The following ITGAD variants were observed in gnomAD, a reference collection of about 807,000 sequenced individuals.
The protein encoded by ITGAD is integrin alpha-D.
A neutral mutation model predicts 139.0 loss-of-function variants in ITGAD; 105 were observed. The observed-to-expected ratio is 0.76, with a 90% CI of 0.65 to 0.89. ITGAD has a LOEUF of 0.89. Ranked by LOEUF, ITGAD falls within the 40% of genes least tolerant of loss-of-function variation. The probability of loss-of-function intolerance (pLI) is 0.00; values close to 1 mark genes in which losing one functional copy is unlikely to be tolerated. For missense variants in ITGAD, 1,384 were observed against 1,487.3 expected, an observed-to-expected ratio of 0.93 and a Z score of 1.14; for synonymous variants, 569 against 598.3, an observed-to-expected ratio of 0.95 and a Z score of 0.71.
chr16:31,422,277 G>A (rs1181642574), intron 23 of ITGAD, among the ~76,000 whole-genome samples: 2 of 152,078 alleles, frequency 1.3e-5, no homozygotes, highest in African/African-American at 4.8e-5. Flanking sequence ...GATGTTAAGT[G>A]GTGAGAGGGC....
In ITGAD at chr16:31,407,611, A is replaced by C; in HGVS notation, c.801A>C (p.Glu267Asp). 1 of 1,614,166 alleles carries C rather than the reference A, an allele frequency of 6.2e-7. No individual in the cohort carries two copies. Among genetic ancestry groups the C allele is most frequent in the Non-Finnish European group, 8.5e-7 (1 of 1,180,002 alleles). ...TDGQKYKDPL[E>D]YSDVIPQAEK... is the part of the protein sequence containing the mutation. Reference sequence around the variant, plus strand: ...GGCAGAAGTACAAAGACCCCCTGGAATACAGTGATGTCATCCCCCAGGCAG... The same window carrying C: ...GGCAGAAGTACAAAGACCCCCTGGACTACAGTGATGTCATCCCCCAGGCAG... The change falls in exon 8 of 30, where the codon GAA becomes GAC. Residue 267 changes from glutamate to aspartate, a missense_variant. Physicochemically the swap from Glu to Asp is conservative, Grantham distance 45. Transcript: ENST00000389202.
intron 5 of ITGAD, among the ~76,000 whole-genome samples, chr16:31,399,775 C>G (rs1478384460): frequency 6.6e-6 from 1 of 152,174 alleles, no homozygotes; most frequent in African/African-American, 2.4e-5. Context: ...TAGAAGGGAC[C>G]AGGGTCCACT....
intron 18 of ITGAD, 151 bp downstream of exon 18, chr16:31,415,142 GT>G (rs969500873): frequency 1.2e-6 from 1 of 862,540 alleles, no homozygotes; most frequent in African/African-American, 1.7e-5. Context: ...AGGCCTGTGG[GT>G]TCTGTCTCCA....
In ITGAD at chr16:31,414,537, C is replaced by G; in HGVS notation, c.2083C>G (p.Pro695Ala). 1 of 1,614,202 alleles carries G rather than the reference C, an allele frequency of 6.2e-7. No individual in the cohort carries two copies. The highest frequency in any genetic ancestry group is 8.5e-7 in the Non-Finnish European group (1 of 1,180,038). ...TGCCATTTTCAATGAAACCAAGAAC[C>G]CCACTTTGACTCGAAGAAAAACCCT... ...SRAIFNETKN[P>A]TLTRRKTLGL... Residue 695 changes from proline to alanine, a missense_variant, in exon 17 of 30, where the codon CCC becomes GCC. Physicochemically the swap from Pro to Ala is conservative, Grantham distance 27 (BLOSUM62 -1). Transcript: ENST00000389202.
intron 9 of ITGAD, 86 bp from the exon 10 acceptor site, chr16:31,408,339 G>A (rs1035191559): frequency 1.7e-6 from 2 of 1,175,646 alleles, no homozygotes; most frequent in African/African-American, 1.5e-5. Context: ...TGGAACCCAA[G>A]CCTCAGATCA....
chr16:31,407,460 T>C (rs1235502093), intron 7 of ITGAD, 55 bp from the exon 8 acceptor site: 1 of 1,478,956 alleles, frequency 6.8e-7, no homozygotes, highest in South Asian at 1.4e-5. Context: ...GCAAATGATG[T>C]CTTTCCAGAA....
chr16:31,420,342 G>C (rs976751147), intron 23 of ITGAD, among the ~76,000 whole-genome samples: 2 of 152,130 alleles, frequency 1.3e-5, no homozygotes, highest in Admixed American at 6.6e-5. Flanking sequence ...GCAGAGCAAG[G>C]CATCCCATAC....
In ITGAD at chr16:31,412,904, G is replaced by A; in HGVS notation, c.1774G>A (p.Asp592Asn). ...TGGGCAGGCGCTGAGTGGGGGTCAG[G>A]ACCTCACCCAGGATGGACTGATGGA... ...YFGQALSGGQDLTQDGLMDLA... is the reference protein window; with the variant it reads ...YFGQALSGGQNLTQDGLMDLA... Residue 592 changes from aspartate (D) to asparagine (N), a missense_variant, in exon 15 of 30, where the codon GAC becomes AAC. Transcript: ENST00000389202. The A allele has an allele frequency of 6.2e-7, 1 of 1,614,008 alleles. No homozygotes were observed. The highest frequency in any genetic ancestry group is 8.5e-7 in the Non-Finnish European group (1 of 1,179,966).
Position 31,411,129 on chromosome 16 carries a change from C to A in ITGAD, c.1410C>A (p.Gly470=), listed in dbSNP as rs550139673. 1 of 1,613,360 alleles carries A rather than the reference C, an allele frequency of 6.2e-7. No individual in the cohort carries two copies. The highest frequency in any genetic ancestry group is 8.5e-7 in the Non-Finnish European group (1 of 1,179,798). Residue 470 remains glycine (G), a synonymous_variant, in exon 13 of 30, where the codon GGC becomes GGA. Coordinates refer to ENST00000389202, the MANE Select transcript of ITGAD (RefSeq NM_005353.3). ...SLCSVDVDSD[G]STDLILIGAP... is the part of the protein sequence containing the mutation. ...GCTCTGTGGATGTGGACAGCGATGG[C>A]AGCACCGACCTGATCCTCATTGGGG...
chr16:31,401,951 G>T (rs1353586975), intron 5 of ITGAD, among the ~76,000 whole-genome samples, 164 bp from the exon 6 acceptor site: 2 of 152,218 alleles, frequency 1.3e-5, no homozygotes, highest in African/African-American at 4.8e-5. Context: ...CATGTGGGAG[G>T]AAGGGAGCAG....
At chr16:31,418,704 T>A in intron 23 of ITGAD, 140 bp downstream of exon 23, 1 of 702,098 alleles carries the variant, frequency 1.4e-6, no homozygotes. Context: ...AATGGCCATA[T>A]ATAATGACAT....
At chr16:31,410,206 G>C (rs2081649474) in intron 10 of ITGAD, among the ~76,000 whole-genome samples, 189 bp from the exon 11 acceptor site, 1 of 152,172 alleles carries the variant, frequency 6.6e-6, no homozygotes, top group Non-Finnish European at 1.5e-5. Flanking sequence ...AGGGTGGAGA[G>C]TGAGAGGAGA....
Position 31,414,949 on chromosome 16 carries a change from T to A in ITGAD, c.2241T>A (p.Arg747=). 4 of 1,614,116 alleles carry A rather than the reference T, an allele frequency of 2.5e-6. No homozygotes were observed. Among genetic ancestry groups the A allele is most frequent in the Non-Finnish European group, 3.4e-6 (4 of 1,180,016 alleles). ...CCATCCCCTCCCCCCAGAACCTGCG[T>A]CCTGTGCTGGCCGTGGGCTCACAAG... ...REPIPSPQNL[R]PVLAVGSQDL... is the part of the protein sequence containing the mutation. Residue 747 remains arginine (R), a synonymous_variant, in exon 18 of 30, where the codon CGT becomes CGA. Coordinates refer to ENST00000389202, the MANE Select transcript of ITGAD (RefSeq NM_005353.3).
chr16:31,418,184 G>C lies in ITGAD; in HGVS notation c.2609G>C (p.Gly870Ala). Residue 870 changes from glycine (G) to alanine (A), a missense_variant, in exon 21 of 30, where the codon GGC becomes GCC. Transcript: ENST00000389202. ...GTCAACCACCCCATCTTCCATGAGG[G>C]CTCTAACGTCAGTGCTTCTCCCTAA... ...CSVNHPIFHEGSNGTFIVTFD... is the reference protein window; with the variant it reads ...CSVNHPIFHEASNGTFIVTFD... 6.2e-7 allele frequency: 1 copy of C among 1,613,674 alleles called. No homozygotes were observed. The highest frequency in any genetic ancestry group is 8.5e-7 in the Non-Finnish European group (1 of 1,179,618).
chr16:31,419,468 C>T (rs1452811743), intron 23 of ITGAD, among the ~76,000 whole-genome samples: 1 of 152,178 alleles, frequency 6.6e-6, no homozygotes, highest in Admixed American at 6.5e-5. Context: ...GCAGTAGGCT[C>T]TACCATCTAG....
chr16:31,415,002 T>C lies in ITGAD; in HGVS notation c.2283+11T>C, dbSNP rs1277712879. The stretch of plus-strand genomic sequence containing the variant: ...CTCTTCACTGCTTCTGTGAGTCTTC[T>C]GATGAAGTCCCAGGGATGTGCTGAC... On this transcript the variant is annotated intron_variant, in intron 18 of 29. Transcript: ENST00000389202. The C allele has an allele frequency of 6.2e-7, 1 of 1,613,776 alleles. No individual in the cohort carries two copies. The highest frequency in any genetic ancestry group is 8.5e-7 in the Non-Finnish European group (1 of 1,179,942).
Position 31,397,630 on chromosome 16 carries a change from G to T in ITGAD, c.276G>T (p.Leu92=). 1 of 1,466,482 alleles carries T rather than the reference G, an allele frequency of 6.8e-7. No homozygotes were observed. 90.8% of individuals were successfully genotyped at this position (1,466,482 alleles called of 1,614,324 possible). ...AGGCCGTGAACATGTCCTTGGGCCT[G>T]ACCCTGGCAGCCTCCACCAACGGCT... is the stretch of plus-strand genomic sequence containing the variant. ...RPEAVNMSLG[L]TLAASTNGSR... Residue 92 remains leucine (L), a synonymous_variant, in exon 4 of 30, where the codon CTG becomes CTT. Transcript: ENST00000389202.
chr16:31,414,113 C>T (rs186773474), intron 16 of ITGAD, among the ~76,000 whole-genome samples: 5 of 152,242 alleles, frequency 3.3e-5, no homozygotes, highest in Non-Finnish European at 7.4e-5. Flanking sequence ...CATCTATCTA[C>T]CAATCTATCA....
intron 20 of ITGAD, among the ~76,000 whole-genome samples, 186 bp downstream of exon 20, chr16:31,416,832 C>G (rs2081900941): frequency 6.6e-6 from 1 of 152,076 alleles, no homozygotes; most frequent in Non-Finnish European, 1.5e-5. Flanking sequence ...TAATATTAAA[C>G]AAACCATAGA....
Sources: allele counts gnomAD v4.1 joint callset (sites outside exome capture counted in the v4.1 genomes callset), GRCh38; gene constraint gnomAD v4.1.1; transcripts MANE v1.5; gene names NCBI Gene and HGNC (gene_info 2026-07-23, HGNC 2026-07-21).